The following CCDC73 variants were observed in gnomAD, a reference collection of about 807,000 sequenced individuals.
CCDC73 encodes the protein coiled-coil domain-containing protein 73.
Under a neutral mutation model 116.5 loss-of-function variants are expected in CCDC73, and 95 were observed. The ratio of observed to expected loss-of-function variants is 0.82; its 90% CI spans 0.69 to 0.97. The LOEUF (loss-of-function observed/expected upper bound fraction) is 0.97, where lower values mean the gene tolerates loss of function less well. CCDC73 is among the 50% of genes least tolerant of loss of function. CCDC73 has a pLI of 0.00. For synonymous variants in CCDC73, 398 were observed against 401.3 expected (o/e 0.99, Z 0.10); for missense variants, 1,066 against 1,206.8 (o/e 0.88, Z 1.73).
At chr11:32,687,361 C>T (rs1043611615) in intron 6 of CCDC73, among the ~76,000 whole-genome samples, 12 of 152,038 alleles carry the variant, frequency 7.9e-5, no homozygotes, top group Non-Finnish European at 1.6e-4. Flanking sequence ...AAAAGGGCAA[C>T]CCAGCTGAAG....
At position 32,699,286 on chromosome 11, in the gene CCDC73, T is replaced by A; in HGVS notation, c.355A>T (p.Ile119Leu). The change falls in exon 6 of 18, where the codon ATA becomes TTA. Residue 119 changes from isoleucine to leucine, a missense_variant. Physicochemically the swap from Ile to Leu is conservative, Grantham distance 5 (BLOSUM62 2). Coordinates refer to ENST00000335185, the MANE Select transcript of CCDC73 (RefSeq NM_001008391.4). ...TTTAATGTTTCCTTCAATCCTTCTA[T>A]TTCTTTTTCCTTTATTTCTGTAGCA... Reference protein sequence around the residue: ...QLATEIKEKEIEGLKETLKAL... With the variant: ...QLATEIKEKELEGLKETLKAL... 6.3e-7 allele frequency: 1 copy of A among 1,582,114 alleles called. No homozygotes were observed. Among genetic ancestry groups the A allele is most frequent in the Non-Finnish European group, 8.6e-7 (1 of 1,160,502 alleles).
At chr11:32,819,419 C>T in the CCDC73 span, among the ~76,000 whole-genome samples, 1 of 151,118 alleles carries the variant, frequency 6.6e-6, no homozygotes, top group African/African-American at 2.4e-5. Context: ...TAAAGAACTA[C>T]AAATAGCCAA....
At chr11:32,640,374 T>A (rs1185333968) in intron 13 of CCDC73, among the ~76,000 whole-genome samples, 2 of 152,198 alleles carry the variant, frequency 1.3e-5, no homozygotes, top group Admixed American at 1.3e-4. Flanking sequence ...AGAAAATGAA[T>A]GTTTAATTTT....
At chr11:32,798,927 T>C (rs1850749772), upstream of CCDC73, among the ~76,000 whole-genome samples, 1 of 141,180 alleles carries the variant, frequency 7.1e-6, no homozygotes, top group African/African-American at 2.6e-5. Context: ...GGGGGGGGCG[T>C]TGAGACAGAG....
intron 3 of CCDC73, among the ~76,000 whole-genome samples, chr11:32,705,716 G>A (rs1017512892): frequency 4.6e-5 from 7 of 152,130 alleles, no homozygotes; most frequent in Non-Finnish European, 1.0e-4. Flanking sequence ...ACACCCAAAC[G>A]ATCCTGTGAC....
At chr11:32,811,915 T>C in the CCDC73 span, among the ~76,000 whole-genome samples, 1 of 152,088 alleles carries the variant, frequency 6.6e-6, no homozygotes, top group Non-Finnish European at 1.5e-5. Context: ...CCAAAATATA[T>C]TCTATTTATC....
chr11:32,662,917 T>C (rs57537899), intron 9 of CCDC73, among the ~76,000 whole-genome samples: 2,573 of 152,336 alleles, frequency 0.017, 76 homozygotes, highest in African/African-American at 0.057. Context: ...GCTAGCCAGT[T>C]TTCCCAGCAC....
intron 2 of CCDC73, among the ~76,000 whole-genome samples, chr11:32,746,455 G>T (rs1391577474): frequency 2.6e-5 from 4 of 152,158 alleles, no homozygotes; most frequent in East Asian, 3.9e-4. Flanking sequence ...TGTATTTTTT[G>T]AATTTGAATG....
At chr11:32,799,111 AG>A (rs1850750996), upstream of CCDC73, among the ~76,000 whole-genome samples, 6 of 88,210 alleles carry the variant, frequency 6.8e-5, no homozygotes, top group African/African-American at 2.6e-4. Context: ...TTTTTTTTTG[AG>A]ACAGAGTTTC....
intron 12 of CCDC73, among the ~76,000 whole-genome samples, chr11:32,643,410 C>T (rs945681920): frequency 3.3e-5 from 5 of 151,988 alleles, no homozygotes; most frequent in Non-Finnish European, 4.4e-5. Flanking sequence ...TCTGATAATT[C>T]CATCATTAGG....
At chr11:32,750,661 TG>T (rs1850280596) in intron 2 of CCDC73, among the ~76,000 whole-genome samples, 1 of 152,068 alleles carries the variant, frequency 6.6e-6, no homozygotes, top group Non-Finnish European at 1.5e-5. Flanking sequence ...GTACCACTGA[TG>T]TTCACTTAAG....
At position 32,760,183 on chromosome 11, in the gene CCDC73, T is replaced by C. The variant is rs775423059; in HGVS notation, c.61A>G (p.Thr21Ala). 3.8e-6 allele frequency: 6 copies of C among 1,599,038 alleles called. No individual in the cohort carries two copies. In the South Asian group the frequency reaches 5.6e-5, roughly 15 times the overall value. ...STFTLQSSSETLFSIQLLDFK... is the reference protein window; with the variant it reads ...STFTLQSSSEALFSIQLLDFK... ...TCTAATAGCTGAATAGAAAACAATG[T>C]CTCTGAAGAACTTTGAAGAGTAAAA... Residue 21 changes from threonine (T) to alanine (A), a missense_variant, in exon 2 of 18, where the codon ACA (threonine) becomes GCA (alanine). Thr to Ala is a moderately conservative substitution (Grantham distance 58). Coordinates refer to ENST00000335185, the MANE Select transcript of CCDC73 (RefSeq NM_001008391.4).
At chr11:32,792,005 C>T (rs1409561874) in intron 1 of CCDC73, among the ~76,000 whole-genome samples, 2 of 151,474 alleles carry the variant, frequency 1.3e-5, no homozygotes, top group Non-Finnish European at 2.9e-5. Flanking sequence ...CACACACACA[C>T]ACACACACAC....
intron 2 of CCDC73, 78 bp from the exon 3 acceptor site, chr11:32,718,225 T>G: frequency 6.5e-6 from 6 of 922,356 alleles, no homozygotes; most frequent in Non-Finnish European, 1.0e-5. Flanking sequence ...TCTGGAGAGA[T>G]ATAGAAATAG....
chr11:32,747,201 T>C (rs1370090802), intron 2 of CCDC73, among the ~76,000 whole-genome samples: 1 of 151,892 alleles, frequency 6.6e-6, no homozygotes, highest in East Asian at 1.9e-4. Context: ...TGCAGGTCTG[T>C]TGGAGTTTGC....
At chr11:32,619,811 T>TGAA (rs1005363774) in intron 14 of CCDC73, among the ~76,000 whole-genome samples, 4 of 110,066 alleles carry the variant, frequency 3.6e-5, no homozygotes, top group Admixed American at 2.5e-4. Flanking sequence ...AAGGAGGAGG[T>TGAA]GAAGAAGGAG....
intron 2 of CCDC73, among the ~76,000 whole-genome samples, chr11:32,754,017 T>C (rs1369719058): frequency 6.6e-6 from 1 of 152,262 alleles, no homozygotes; most frequent in Non-Finnish European, 1.5e-5. Context: ...TAATGATTTA[T>C]TTATTCCTGC....
chr11:32,764,223 C>G (rs572348634), intron 1 of CCDC73, among the ~76,000 whole-genome samples: 6 of 152,210 alleles, frequency 3.9e-5, no homozygotes, highest in East Asian at 1.9e-4. Context: ...CCCCAACCTA[C>G]CAAGGCAGGC....
chr11:32,699,172 C>G (rs1849787020), intron 6 of CCDC73, 79 bp downstream of exon 6: 6 of 1,398,430 alleles, frequency 4.3e-6, no homozygotes, highest in Non-Finnish European at 4.7e-6. Context: ...TGCTTTGTAG[C>G]TTACATATCT....
Sources: allele counts gnomAD v4.1 joint callset (sites outside exome capture counted in the v4.1 genomes callset), GRCh38; gene constraint gnomAD v4.1.1; transcripts MANE v1.5; gene names NCBI Gene and HGNC (gene_info 2026-07-23, HGNC 2026-07-21).